Variants in PALMD observed in about 807,000 individuals in gnomAD.
PALMD encodes the protein paralemmin-like protein.
In PALMD, 42 loss-of-function variants were observed where a neutral mutation model predicts 56.2. The observed-to-expected ratio is 0.75, with a 90% CI of 0.58 to 0.97. PALMD has a LOEUF of 0.97. Among genes scored for constraint, PALMD ranks in the 50% least tolerant of loss-of-function variants. The probability of loss-of-function intolerance (pLI) is 0.00; values close to 1 mark genes in which losing one functional copy is unlikely to be tolerated. For missense variants in PALMD, 660 were observed against 643.8 expected, an observed-to-expected ratio of 1.03 and a Z score of -0.27; for synonymous variants, 242 against 222.9, an observed-to-expected ratio of 1.09 and a Z score of -0.76.
intron 7 of PALMD, among the ~76,000 whole-genome samples, chr1:99,691,583 A>T (rs1375958223): frequency 2.0e-5 from 3 of 152,176 alleles, no homozygotes; most frequent in Non-Finnish European, 4.4e-5. Flanking sequence ...TACAGAGCTG[A>T]TGTGTATTTT....
chr1:99,671,593 A>G (rs1653088479), intron 3 of PALMD, among the ~76,000 whole-genome samples: 1 of 152,176 alleles, frequency 6.6e-6, no homozygotes, highest in Non-Finnish European at 1.5e-5. Flanking sequence ...TCTTTATGCT[A>G]GTACAAAGAG....
intron 3 of PALMD, chr1:99,685,571 G>A (rs2100874128): frequency 6.6e-6 from 1 of 152,392 alleles, no homozygotes; most frequent in Non-Finnish European, 1.5e-5. Flanking sequence ...CAATGAGCAA[G>A]AGAGCTGTCA....
intron 3 of PALMD, among the ~76,000 whole-genome samples, chr1:99,671,292 G>A (rs955221176): frequency 1.3e-5 from 2 of 152,186 alleles, no homozygotes; most frequent in Non-Finnish European, 2.9e-5. Flanking sequence ...CTTCTAAGGC[G>A]TTGTAAGATG....
At chr1:99,660,746 C>T (rs539301338) in intron 1 of PALMD, among the ~76,000 whole-genome samples, 129 of 152,214 alleles carry the variant, frequency 8.5e-4, no homozygotes, top group African/African-American at 3.0e-3. Flanking sequence ...ATTATCCAGG[C>T]ATGGTAGTAT....
At chr1:99,683,139 A>G (rs1653407172) in intron 3 of PALMD, 1 of 126,298 alleles carries the variant, frequency 7.9e-6, no homozygotes, top group Non-Finnish European at 1.6e-5. Flanking sequence ...AGAAAGAAAG[A>G]AAGAAAGAAA....
intron 1 of PALMD, among the ~76,000 whole-genome samples, chr1:99,653,284 T>C (rs1652636190): frequency 6.6e-6 from 1 of 152,172 alleles, no homozygotes; most frequent in Non-Finnish European, 1.5e-5. Context: ...TTTTTTTCAC[T>C]GAAGACCCGG....
chr1:99,691,584 T>C (rs1323154225), intron 7 of PALMD, among the ~76,000 whole-genome samples: 1 of 152,202 alleles, frequency 6.6e-6, no homozygotes, highest in Admixed American at 6.5e-5. Flanking sequence ...ACAGAGCTGA[T>C]GTGTATTTTT....
intron 3 of PALMD, among the ~76,000 whole-genome samples, chr1:99,683,088 GAGAAAGAA>G (rs1217087610): frequency 0.014 from 391 of 27,162 alleles, 19 homozygotes; most frequent in East Asian, 0.02. Context: ...GAGAGAGAGA[GAGAAAGAA>G]AGAAAGAAAG....
intron 1 of PALMD, among the ~76,000 whole-genome samples, chr1:99,657,628 C>G (rs1455858403): frequency 6.6e-6 from 1 of 152,164 alleles, no homozygotes; most frequent in Non-Finnish European, 1.5e-5. Flanking sequence ...CCCCTGAAAA[C>G]TTTTTATTGC....
Position 99,646,373 on chromosome 1 carries a change from A to C in PALMD, c.45+11A>C. 1 of 1,604,098 alleles carries C rather than the reference A, an allele frequency of 6.2e-7. No homozygotes were observed. The highest frequency in any genetic ancestry group is 1.1e-5 in the South Asian group (1 of 90,892). Reference sequence around the variant, plus strand: ...CTCCAGGCCATCACAGTAAGTCTGCATACAGTTATAACTCATTAACGTTGT... The same window carrying C: ...CTCCAGGCCATCACAGTAAGTCTGCCTACAGTTATAACTCATTAACGTTGT... On this transcript the variant is annotated intron_variant, in intron 1 of 7. Coordinates refer to ENST00000263174, the MANE Select transcript of PALMD (RefSeq NM_017734.5).
At chr1:99,668,808 A>G (rs2100862951) in intron 3 of PALMD, 1 of 152,350 alleles carries the variant, frequency 6.6e-6, no homozygotes, top group African/African-American at 2.4e-5. Flanking sequence ...GCTCAAATGT[A>G]AGATGGGATT....
At chr1:99,692,864 G>C (rs1314051669) in intron 7 of PALMD, among the ~76,000 whole-genome samples, 1 of 152,184 alleles carries the variant, frequency 6.6e-6, no homozygotes, top group African/African-American at 2.4e-5. Flanking sequence ...TTGCTACAGA[G>C]CACATTCTCT....
At position 99,686,693 on chromosome 1, in the gene PALMD, A is replaced by G. The variant is rs199853188; in HGVS notation, c.269A>G (p.Gln90Arg). Residue 90 changes from glutamine (Q) to arginine (R), a missense_variant, in exon 4 of 8, where the codon CAA (glutamine) becomes CGA (arginine). By Grantham distance (43) the Gln-to-Arg change is conservative (BLOSUM62 1). Coordinates refer to ENST00000263174, the MANE Select transcript of PALMD (RefSeq NM_017734.5). The stretch of plus-strand genomic sequence containing the variant: ...GTTGTCAGGCTTGAGAAAGAGATCC[A>G]AGATCTTGAAAAAGCTGAACTGCAA... ...QSILRLEKEI[Q>R]DLEKAELQIS... 1.3e-6 allele frequency: 2 copies of G among 1,594,216 alleles called. No homozygotes were observed. The highest frequency in any genetic ancestry group is 1.3e-5 in the African/African-American group (1 of 74,326).
chr1:99,656,237 A>G lies in PALMD; in HGVS notation c.46-6082A>G, dbSNP rs185430152. Among the ~76,000 whole-genome samples, 393 of 152,192 alleles carry G rather than the reference A, an allele frequency of 2.6e-3. 1 individual carries two copies. The highest frequency in any genetic ancestry group is 0.017 in the South Asian group (83 of 4,824). ...GCCTTATAATCTATCTTCCCTCTTG[A>G]AATTTTTGCTCCATTTTCAATAATT... On this transcript the variant is annotated intron_variant, in intron 1 of 7. Transcript: ENST00000263174.
At chr1:99,665,928 G>A (rs1361817659) in intron 2 of PALMD, among the ~76,000 whole-genome samples, 1 of 152,132 alleles carries the variant, frequency 6.6e-6, no homozygotes, top group African/African-American at 2.4e-5. Flanking sequence ...CAGCTAAACA[G>A]CTATAATAAA....
At chr1:99,683,764 A>T (rs1653424052) in intron 3 of PALMD, 1 of 152,324 alleles carries the variant, frequency 6.6e-6, no homozygotes, top group Non-Finnish European at 1.5e-5. Flanking sequence ...GGCTTCCCCA[A>T]AGCCCTTCCA....
At chr1:99,686,135 C>G (rs12132726) in intron 3 of PALMD, 10,629 of 152,052 alleles carry the variant, frequency 0.07, 500 homozygotes, top group African/African-American at 0.14. Flanking sequence ...TATAATATGG[C>G]CCAACTCTTA....
intron 1 of PALMD, among the ~76,000 whole-genome samples, chr1:99,650,251 G>A (rs1571057125): frequency 7.9e-6 from 1 of 126,708 alleles, no homozygotes; most frequent in East Asian, 2.4e-4. Flanking sequence ...TTGAGCAACA[G>A]AGCCAGATTT....
At chr1:99,691,332 C>T (rs372505742) in intron 7 of PALMD, among the ~76,000 whole-genome samples, 2 of 152,102 alleles carry the variant, frequency 1.3e-5, no homozygotes, top group South Asian at 4.1e-4. Flanking sequence ...ATTTCTTCTC[C>T]TCTAACCTTG....
Sources: gnomAD v4.1 joint callset for allele counts (sites outside exome capture counted in the v4.1 genomes callset) on GRCh38, gnomAD v4.1.1 for gene constraint, MANE v1.5 for transcripts, NCBI Gene and HGNC (gene_info 2026-07-23, HGNC 2026-07-21) for gene names.